The following RBFA variants were observed in gnomAD, a reference collection of about 807,000 sequenced individuals.
RBFA encodes ribosome binding factor A.
In RBFA, 16 loss-of-function variants were observed where a neutral mutation model predicts 27.9. That is an observed-to-expected ratio of 0.57 (90% CI 0.39 to 0.87). RBFA has a LOEUF of 0.87. RBFA is among the 40% of genes least tolerant of loss of function. The probability of loss-of-function intolerance (pLI) is 0.00; values close to 1 mark genes in which losing one functional copy is unlikely to be tolerated. For missense variants in RBFA, 456 were observed against 432.1 expected, an observed-to-expected ratio of 1.06 and a Z score of -0.49; for synonymous variants, 181 against 181.0, an observed-to-expected ratio of 1.00 and a Z score of 0.00.
Position 80,050,210 on chromosome 18 carries a change from G to A in RBFA, c.*4055G>A, listed in dbSNP as rs919611722. Reference sequence around the variant, plus strand: ...GGCAGGGAGAAGGGACAGAGCTAGAGGAAGGACAGGCCTGTGCCACCCAGG... The same window carrying A: ...GGCAGGGAGAAGGGACAGAGCTAGAAGAAGGACAGGCCTGTGCCACCCAGG... On this transcript the variant is annotated 3_prime_UTR_variant, in exon 7 of 7. Transcript: ENST00000306735. 6.6e-6 allele frequency among the ~76,000 whole-genome samples: 1 copy of A among 152,168 alleles called. No homozygotes were observed. Among genetic ancestry groups the A allele is most frequent in the Non-Finnish European group, 1.5e-5 (1 of 68,028 alleles).
chr18:80,045,950 AAAAGGG>A lies in RBFA; in HGVS notation c.830_835del (p.Lys277_Gly278del). 1 of 1,614,040 alleles carries A rather than the reference AAAAGGG, an allele frequency of 6.2e-7. No homozygotes were observed. On this transcript the variant is annotated inframe_deletion, in exon 7 of 7. Coordinates refer to ENST00000306735, the MANE Select transcript of RBFA (RefSeq NM_024805.3). Reference sequence around the variant, plus strand: ...GTGGCTGAGCTGACAACGCAGATGAAAAAGGGAAGGAAGAGGGCCAAGCCCCGCCTG... The same window carrying A: ...GTGGCTGAGCTGACAACGCAGATGAAAAGGAAGAGGGCCAAGCCCCGCCTG...
chr18:80,045,621 C>T (rs1052156553), intron 6 of RBFA, among the ~76,000 whole-genome samples, 153 bp from the exon 7 acceptor site: 8 of 152,142 alleles, frequency 5.3e-5, no homozygotes, highest in Admixed American at 3.9e-4. Flanking sequence ...CACCTTCCTT[C>T]ACTCCTGTCT....
Position 80,048,023 on chromosome 18 carries a change from T to C in RBFA, c.*1868T>C, listed in dbSNP as rs991160922. On this transcript the variant is annotated 3_prime_UTR_variant, in exon 7 of 7. Transcript: ENST00000306735. ...GAACATGGCTATGTGAATTCATTTATGTACAAGAGACCTCCCCATCCTGAT... is the reference window on the plus strand; with the variant it reads ...GAACATGGCTATGTGAATTCATTTACGTACAAGAGACCTCCCCATCCTGAT... 1.3e-5 allele frequency: 2 copies of C among 152,268 alleles called. No homozygotes were observed. The highest frequency in any genetic ancestry group is 1.9e-4 in the East Asian group (1 of 5,206). The allele number at this position is 152,268 out of a possible 1,614,324, so 9.4% of individuals were successfully genotyped here.
rs763258882 is a variant in RBFA at position 80,036,675 on chromosome 18, G to A, written c.166G>A (p.Val56Ile). The change falls in exon 2 of 7, where the codon GTT becomes ATT. Residue 56 changes from valine to isoleucine, a missense_variant. Val to Ile is a conservative substitution (Grantham distance 29). Coordinates refer to ENST00000306735, the MANE Select transcript of RBFA (RefSeq NM_024805.3). ...CTTATTTTCTCCCCAAAGAAAAAAGGTTTGGTATGAAAGTCCTTCCTTGGG... is the reference window on the plus strand; with the variant it reads ...CTTATTTTCTCCCCAAAGAAAAAAGATTTGGTATGAAAGTCCTTCCTTGGG... ...KKFASKTKKK[V>I]WYESPSLGSH... 3.7e-6 allele frequency: 6 copies of A among 1,612,136 alleles called. No homozygotes were observed. The Admixed American group carries it at 6.7e-5, about 18-fold the overall frequency.
Position 80,046,606 on chromosome 18 carries a change from G to A in RBFA, c.*451G>A, listed in dbSNP as rs775331825. Reference sequence around the variant, plus strand: ...GTCCCTGGGGCTGCTGGGCTGGCACGTGGCGCCGGGGGCTCCATCCCTGGG... The same window carrying A: ...GTCCCTGGGGCTGCTGGGCTGGCACATGGCGCCGGGGGCTCCATCCCTGGG... On this transcript the variant is annotated 3_prime_UTR_variant, in exon 7 of 7. Coordinates refer to ENST00000306735, the MANE Select transcript of RBFA (RefSeq NM_024805.3). Among the ~76,000 whole-genome samples, 36 of 151,976 alleles carry A rather than the reference G, an allele frequency of 2.4e-4. No homozygotes were observed. The highest frequency in any genetic ancestry group is 4.4e-4 in the Non-Finnish European group (30 of 67,994).
Position 80,047,658 on chromosome 18 carries a change from A to G in RBFA, c.*1503A>G, listed in dbSNP as rs958487770. Among the ~76,000 whole-genome samples the G allele has an allele frequency of 1.3e-5, 2 of 152,046 alleles. No individual in the cohort carries two copies. Among genetic ancestry groups the G allele is most frequent in the Non-Finnish European group, 2.9e-5 (2 of 68,026 alleles). ...AAGAAAGAATTTAAGGCAATTTGTA[A>G]GGATAGACAAAACCCCACATGATGG... On this transcript the variant is annotated 3_prime_UTR_variant, in exon 7 of 7. Transcript: ENST00000306735.
In RBFA at chr18:80,034,493, G is replaced by C. The variant is rs372925116; in HGVS notation, c.-3G>C. 2 of 1,538,500 alleles carry C rather than the reference G, an allele frequency of 1.3e-6. No homozygotes were observed. On this transcript the variant is annotated 5_prime_UTR_variant, in exon 1 of 7. Coordinates refer to ENST00000306735, the MANE Select transcript of RBFA (RefSeq NM_024805.3). Reference sequence around the variant, plus strand: ...TGCTCGCTCCGGGTCCCGGCGCCGCGCCATGTGGGCTGCGGCGGGCGGGCT... The same window carrying C: ...TGCTCGCTCCGGGTCCCGGCGCCGCCCCATGTGGGCTGCGGCGGGCGGGCT...
At chr18:80,043,149 C>T (rs2052027827) in intron 5 of RBFA, among the ~76,000 whole-genome samples, 1 of 152,158 alleles carries the variant, frequency 6.6e-6, no homozygotes, top group Non-Finnish European at 1.5e-5. Flanking sequence ...ATATATACTT[C>T]TCTGGGTGGT....
rs1460822471 is a variant in RBFA, at chr18:80,034,794, C to T, written c.158+141C>T. 8.3e-6 allele frequency: 8 copies of T among 962,890 alleles called. No homozygotes were observed. In the South Asian group the frequency reaches 1.4e-4, roughly 17 times the overall value. 59.6% of individuals were successfully genotyped at this position (962,890 alleles called of 1,614,324 possible). A position where few individuals can be genotyped will look rare whatever the true frequency, so the allele number is the denominator to read the frequency against. ...CTGCCTCCTGGGGTCTGCAGCAGTTCTAGCTCTCACTGTCAGCATTTGCAG... is the reference window on the plus strand; with the variant it reads ...CTGCCTCCTGGGGTCTGCAGCAGTTTTAGCTCTCACTGTCAGCATTTGCAG... On this transcript the variant is annotated intron_variant, in intron 1 of 6. Coordinates refer to ENST00000306735, the MANE Select transcript of RBFA (RefSeq NM_024805.3).
At chr18:80,036,581 C>G in intron 1 of RBFA, 87 bp from the exon 2 acceptor site, 1 of 956,970 alleles carries the variant, frequency 1.0e-6, no homozygotes, top group Non-Finnish European at 1.6e-6. Flanking sequence ...CCCCTATAAA[C>G]AGTTATGGTA....
intron 4 of RBFA, among the ~76,000 whole-genome samples, chr18:80,039,891 G>C (rs927648077): frequency 2.0e-5 from 3 of 152,160 alleles, no homozygotes; most frequent in Admixed American, 2.0e-4. Context: ...TGTGGTTTCA[G>C]ATTCCTCATT....
chr18:80,045,976 C>T lies in RBFA; in HGVS notation c.853C>T (p.Arg285Cys), dbSNP rs749107520. The T allele has an allele frequency of 1.3e-5, 21 of 1,614,018 alleles. No homozygotes were observed. The highest frequency in any genetic ancestry group is 4.5e-5 in the East Asian group (2 of 44,890). ...AAAGGGAAGGAAGAGGGCCAAGCCCCGCCTGGAGCAGGACAGCTCCCTCAA... is the reference window on the plus strand; with the variant it reads ...AAAGGGAAGGAAGAGGGCCAAGCCCTGCCTGGAGCAGGACAGCTCCCTCAA... ...MKKGRKRAKPRLEQDSSLKSY... is the reference protein window; with the variant it reads ...MKKGRKRAKPCLEQDSSLKSY... The change falls in exon 7 of 7, where the codon CGC becomes TGC. Residue 285 changes from arginine to cysteine, a missense_variant. Arg to Cys is a radical substitution (Grantham distance 180). Coordinates refer to ENST00000306735, the MANE Select transcript of RBFA (RefSeq NM_024805.3).
Position 80,034,581 on chromosome 18 carries a change from G to T in RBFA, c.86G>T (p.Gly29Val), listed in dbSNP as rs1172120792. ...AGCCGCGATGCTGCGCTATTTCCAG[G>T]CTGCGAGCGGGGACTTCACTGCTCT... is the stretch of plus-strand genomic sequence containing the variant. ...FRSRDAALFPGCERGLHCSAV... is the reference protein window; with the variant it reads ...FRSRDAALFPVCERGLHCSAV... The change falls in exon 1 of 7, where the codon GGC becomes GTC. Residue 29 changes from glycine (G) to valine (V), a missense_variant. Gly to Val is a moderately radical substitution (Grantham distance 109). Transcript: ENST00000306735. 3 of 1,609,858 alleles carry T rather than the reference G, an allele frequency of 1.9e-6. No homozygotes were observed. The highest frequency in any genetic ancestry group is 2.5e-6 in the Non-Finnish European group (3 of 1,179,142).
At chr18:80,038,305 G>A (rs1028177705) in intron 3 of RBFA, among the ~76,000 whole-genome samples, 200 bp from the exon 4 acceptor site, 11 of 152,190 alleles carry the variant, frequency 7.2e-5, no homozygotes, top group African/African-American at 2.7e-4. Flanking sequence ...CTGGTGAAGA[G>A]AGGAGGGAGG....
rs116540477 is a variant in RBFA at position 80,049,809 on chromosome 18, C to T, written c.*3654C>T. On this transcript the variant is annotated 3_prime_UTR_variant, in exon 7 of 7. Coordinates refer to ENST00000306735, the MANE Select transcript of RBFA (RefSeq NM_024805.3). ...CCTTGTAGGCCCCCAGAAGACTGGA[C>T]CCAACATCCAGCACAATGCCTCTCA... Among the ~76,000 whole-genome samples, 8,043 of 152,252 alleles carry T rather than the reference C, an allele frequency of 0.053. 651 individuals are homozygous for T. The highest frequency in any genetic ancestry group is 0.18 in the African/African-American group (7,488 of 41,500).
rs770941191 is a variant in RBFA at position 80,045,807 on chromosome 18, A to G, written c.684A>G (p.Thr228=). 124 of 1,523,972 alleles carry G rather than the reference A, an allele frequency of 8.1e-5. No homozygotes were observed. Among genetic ancestry groups the G allele is most frequent in the Non-Finnish European group, 1.0e-4 (114 of 1,136,658 alleles). The allele number at this position is 1,523,972 out of a possible 1,614,324, so 94.4% of individuals were successfully genotyped here. A position where few individuals can be genotyped will look rare whatever the true frequency, so the allele number is the denominator to read the frequency against. Residue 228 remains threonine (T), a synonymous_variant, in exon 7 of 7, where the codon ACA becomes ACG. Coordinates refer to ENST00000306735, the MANE Select transcript of RBFA (RefSeq NM_024805.3). The stretch of plus-strand genomic sequence containing the variant: ...ATGCCCCACAACCCTGCGGCACCAC[A>G]GAGCCGACCACAAGCTCCAGTCTGT... The part of the protein sequence containing the change: ...DPDAPQPCGT[T]EPTTSSSLCG...
intron 4 of RBFA, among the ~76,000 whole-genome samples, chr18:80,038,946 A>G (rs1358895883): frequency 1.3e-5 from 2 of 152,222 alleles, no homozygotes; most frequent in African/African-American, 4.8e-5. Flanking sequence ...TGCTGGTGCC[A>G]TGCTGCCAGC....
intron 5 of RBFA, among the ~76,000 whole-genome samples, chr18:80,043,039 G>C (rs1444102970): frequency 6.6e-6 from 1 of 151,982 alleles, no homozygotes; most frequent in Non-Finnish European, 1.5e-5. Flanking sequence ...CACATTATTG[G>C]GGCTTATGAG....
chr18:80,045,896 G>C lies in RBFA; in HGVS notation c.773G>C (p.Gly258Ala). The C allele has an allele frequency of 6.2e-7, 1 of 1,612,078 alleles. No homozygotes were observed. Among genetic ancestry groups the C allele is most frequent in the East Asian group, 2.2e-5 (1 of 44,828 alleles). Reference protein sequence around the residue: ...IMEYKRRKDKGLGGLVWQGQV... With the variant: ...IMEYKRRKDKALGGLVWQGQV... ...GAGTACAAAAGGAGGAAAGATAAAGGGCTCGGGGGCCTGGTGTGGCAGGGG... is the reference window on the plus strand; with the variant it reads ...GAGTACAAAAGGAGGAAAGATAAAGCGCTCGGGGGCCTGGTGTGGCAGGGG... Residue 258 changes from glycine to alanine, a missense_variant, in exon 7 of 7, where the codon GGG becomes GCG. By Grantham distance (60) the Gly-to-Ala change is moderately conservative. Transcript: ENST00000306735.
Sources: allele counts gnomAD v4.1 joint callset (sites outside exome capture counted in the v4.1 genomes callset), GRCh38; gene constraint gnomAD v4.1.1; transcripts MANE v1.5; gene names NCBI Gene and HGNC (gene_info 2026-07-23, HGNC 2026-07-21).